KIF1A: variants seen among roughly 807,000 people sequenced by gnomAD.
KIF1A encodes kinesin family member 1A, also known as kinesin-like protein KIF1A.
In KIF1A, 46 loss-of-function variants were observed where a neutral mutation model predicts 227.3. The observed-to-expected ratio is 0.20, with a 90% CI of 0.16 to 0.26. KIF1A has a LOEUF of 0.26. Ranked by LOEUF, KIF1A falls within the 10% of genes least tolerant of loss-of-function variation. The probability of loss-of-function intolerance (pLI) is 1.00; values close to 1 mark genes in which losing one functional copy is unlikely to be tolerated. For synonymous variants in KIF1A, 1,022 were observed against 1,012.8 expected (o/e 1.01, Z -0.17); for missense variants, 1,683 against 2,485.9 (o/e 0.68, Z 6.87).
intron 1 of KIF1A, among the ~76,000 whole-genome samples, chr2:240,806,285 G>A (rs989354552): frequency 3.3e-5 from 5 of 152,234 alleles, no homozygotes; most frequent in Non-Finnish European, 7.3e-5. Flanking sequence ...CAGAAGTCCA[G>A]AAATTTGCAC....
chr2:240,760,925 C>A, intron 24 of KIF1A, 82 bp from the exon 25 acceptor site: 1 of 1,347,120 alleles, frequency 7.4e-7, no homozygotes, highest in South Asian at 1.4e-5. Flanking sequence ...TTCCCACCTT[C>A]TGGAGATTTC....
At chr2:240,749,843 G>A (rs1205097519) in intron 28 of KIF1A, among the ~76,000 whole-genome samples, 2 of 152,250 alleles carry the variant, frequency 1.3e-5, no homozygotes, top group African/African-American at 4.8e-5. Flanking sequence ...CAGGCCCAGT[G>A]TGGAGGGGGA....
rs775227471 is a variant in KIF1A at position 240,788,946 on chromosome 2, T to C, written c.183+290A>G. Among the ~76,000 whole-genome samples the C allele has an allele frequency of 1.2e-4, 18 of 152,154 alleles. No individual in the cohort carries two copies. The highest frequency in any genetic ancestry group is 4.1e-4 in the South Asian group (2 of 4,824). ...GCTTCCAGACAGGCTCAGGGTCAGC[T>C]TTGGGCATTCTGACTTTGGGATGTC... On this transcript the variant is annotated intron_variant, in intron 3 of 48. Coordinates refer to ENST00000498729, the MANE Select transcript of KIF1A (RefSeq NM_001244008.2). This position sits in a 1 kb window ranked among gnomAD's most constrained non-coding sequence, Gnocchi z 6.6.
chr2:240,791,155 G>A (rs956450030), intron 2 of KIF1A, among the ~76,000 whole-genome samples: 3 of 152,110 alleles, frequency 2.0e-5, no homozygotes, highest in East Asian at 1.9e-4. Context: ...GGCCACGTCC[G>A]TGCTATGGCC....
intron 1 of KIF1A, among the ~76,000 whole-genome samples, chr2:240,810,029 G>A (rs1280598528): frequency 6.6e-6 from 1 of 152,060 alleles, no homozygotes; most frequent in Non-Finnish European, 1.5e-5. Flanking sequence ...GGCCAGGTTA[G>A]TCTCAAGCTC....
rs1433443782 is a variant in KIF1A at position 240,760,692 on chromosome 2, G to T, written c.2417C>A (p.Thr806Asn). Reference sequence around the variant, plus strand: ...GAGCTTCTCCAGCGTCCAGTAGTGGGTGGCCCCGTTCTTCTGGTCCTGGAC... The same window carrying T: ...GAGCTTCTCCAGCGTCCAGTAGTGGTTGGCCCCGTTCTTCTGGTCCTGGAC... ...VEVQDQKNGATHYWTLEKLRQ... is the reference protein window; with the variant it reads ...VEVQDQKNGANHYWTLEKLRQ... Residue 806 changes from threonine to asparagine, a missense_variant, in exon 25 of 49, where the codon ACC (threonine) becomes AAC (asparagine). Coordinates refer to ENST00000498729, the MANE Select transcript of KIF1A (RefSeq NM_001244008.2). 7 of 1,569,206 alleles carry T rather than the reference G, an allele frequency of 4.5e-6. No homozygotes were observed. The Admixed American group carries it at 1.3e-4, about 28-fold the overall frequency.
At chr2:240,755,505 G>A (rs1308318816) in intron 27 of KIF1A, among the ~76,000 whole-genome samples, 1 of 152,166 alleles carries the variant, frequency 6.6e-6, no homozygotes, top group Non-Finnish European at 1.5e-5. Flanking sequence ...AAGGTTAAAG[G>A]AAAATCAACG....
intron 33 of KIF1A, 48 bp downstream of exon 33, chr2:240,743,894 G>T: frequency 8.0e-7 from 1 of 1,245,000 alleles, no homozygotes; most frequent in Non-Finnish European, 1.2e-6. Flanking sequence ...GATCTGGGCA[G>T]GGGCTTTGAG....
Position 240,758,255 on chromosome 2 carries a change from C to T in KIF1A, c.2582+105G>A. ...CTGGGAATATGGGGCTGGAAAAGCA[C>T]TTGTCAGGGCCGCTCCTTGTATCAG... On this transcript the variant is annotated intron_variant, in intron 26 of 48. Transcript: ENST00000498729. This position sits in a 1 kb window ranked among gnomAD's most constrained non-coding sequence, Gnocchi z 5.2. 7 of 1,326,976 alleles carry T rather than the reference C, an allele frequency of 5.3e-6. No homozygotes were observed. Among genetic ancestry groups the T allele is most frequent in the Non-Finnish European group, 7.1e-6 (7 of 990,466 alleles). The allele number at this position is 1,326,976 out of a possible 1,614,324, so 82.2% of individuals were successfully genotyped here. A position where few individuals can be genotyped will look rare whatever the true frequency, so the allele number is the denominator to read the frequency against.
chr2:240,772,468 A>T, intron 14 of KIF1A, 102 bp downstream of exon 14: 1 of 951,554 alleles, frequency 1.1e-6, no homozygotes, highest in Non-Finnish European at 1.6e-6. Flanking sequence ...AAAGCAGAGC[A>T]GGTACCCTGG....
intron 33 of KIF1A, 118 bp downstream of exon 33, chr2:240,743,824 A>G: frequency 1.5e-6 from 1 of 668,980 alleles, no homozygotes; most frequent in African/African-American, 1.8e-5. Context: ...CTGGATGGGC[A>G]GGGGAGGTGG....
chr2:240,789,334 G>A lies in KIF1A; in HGVS notation c.107-22C>T, dbSNP rs993247311. 1.9e-6 allele frequency: 3 copies of A among 1,599,212 alleles called. No individual in the cohort carries two copies. Among genetic ancestry groups the A allele is most frequent in the Non-Finnish European group, 2.6e-6 (3 of 1,166,538 alleles). On this transcript the variant is annotated intron_variant, in intron 2 of 48. Coordinates refer to ENST00000498729, the MANE Select transcript of KIF1A (RefSeq NM_001244008.2). The surrounding 1 kb of genome is among the most constrained non-coding windows in gnomAD (Gnocchi z 4.8). The stretch of plus-strand genomic sequence containing the variant: ...ATGGCTGTGGGAGGGAACACAGGTG[G>A]TTAGCGCTGTGCTGGGAGGGCCCCT...
At position 240,775,747 on chromosome 2, in the gene KIF1A, G is replaced by A. The variant is rs1382491336; in HGVS notation, c.958+104C>T. On this transcript the variant is annotated intron_variant, in intron 11 of 48. Transcript: ENST00000498729. This position sits in a 1 kb window ranked among gnomAD's most constrained non-coding sequence, Gnocchi z 5.5. ...CACCTCCCAGCCTCAGCCCAGAAAG[G>A]GTGAGAGGCCTGCTGGCGACTGGGC... 1 of 782,192 alleles carries A rather than the reference G, an allele frequency of 1.3e-6. No individual in the cohort carries two copies. Among genetic ancestry groups the A allele is most frequent in the South Asian group, 1.5e-5 (1 of 66,496 alleles). The allele number at this position is 782,192 out of a possible 1,614,324, so 48.5% of individuals were successfully genotyped here. A position where few individuals can be genotyped will look rare whatever the true frequency, so the allele number is the denominator to read the frequency against.
At chr2:240,741,717 C>T (rs986337642) in intron 34 of KIF1A, among the ~76,000 whole-genome samples, 2 of 152,252 alleles carry the variant, frequency 1.3e-5, no homozygotes, top group African/African-American at 4.8e-5. Flanking sequence ...TCAAAAGCCC[C>T]ACAACCCTCA....
chr2:240,810,078 C>G (rs1044047615), intron 1 of KIF1A, among the ~76,000 whole-genome samples: 2 of 152,002 alleles, frequency 1.3e-5, no homozygotes, highest in Non-Finnish European at 2.9e-5. Flanking sequence ...CCTCCCAAAG[C>G]GCTGGAATTA....
chr2:240,819,665 C>T (rs1371784473), intron 1 of KIF1A, among the ~76,000 whole-genome samples: 1 of 152,014 alleles, frequency 6.6e-6, no homozygotes, highest in Admixed American at 6.5e-5. Flanking sequence ...GCGTCAGCGT[C>T]CTCAGCCCCG....
At position 240,767,353 on chromosome 2, in the gene KIF1A, G is replaced by C. The variant is rs1171261221; in HGVS notation, c.1498-8C>G. ...GTTGACGAGGTGTGGTGTCTGCAGG[G>C]AGACAGGAGGATCATCTCTCTTGCA... On this transcript the variant is annotated splice_region_variant and splice_polypyrimidine_tract_variant and intron_variant, in intron 17 of 48. Transcript: ENST00000498729. 2 of 1,609,524 alleles carry C rather than the reference G, an allele frequency of 1.2e-6. No individual in the cohort carries two copies. The highest frequency in any genetic ancestry group is 2.2e-5 in the East Asian group (1 of 44,854).
rs549062256 is a variant in KIF1A at position 240,814,563 on chromosome 2, C to T, written c.-61+5559G>A. On this transcript the variant is annotated intron_variant, in intron 1 of 48. Transcript: ENST00000498729. ...GGGTCCAAGAAACAGAAACTCCAAT[C>T]CAGGGGACATGGCAAGCAGCTGCCA... Among the ~76,000 whole-genome samples the T allele has an allele frequency of 3.9e-5, 6 of 152,274 alleles. No homozygotes were observed. The East Asian group carries it at 1.2e-3, about 29-fold the overall frequency.
Position 240,786,384 on chromosome 2 carries a change from T to G in KIF1A, c.559A>C (p.Thr187Pro), listed in dbSNP as rs1345724988. Reference protein sequence around the residue: ...YVEDLSKLAVTSYNDIQDLMD... With the variant: ...YVEDLSKLAVPSYNDIQDLMD... Reference sequence around the variant, plus strand: ...AGGTCCTGGATGTCATTGTAGGAGGTGACAGCCAGCTTGGAGAGGTCCTCC... The same window carrying G: ...AGGTCCTGGATGTCATTGTAGGAGGGGACAGCCAGCTTGGAGAGGTCCTCC... Residue 187 changes from threonine (T) to proline (P), a missense_variant, in exon 6 of 49, where the codon ACC (threonine) becomes CCC (proline). Physicochemically the swap from Thr to Pro is conservative, Grantham distance 38. Around this residue, in one of 12 missense-constraint regions of KIF1A, gnomAD observed 75 missense variants for 131.2 expected, o/e 0.57. Coordinates refer to ENST00000498729, the MANE Select transcript of KIF1A (RefSeq NM_001244008.2). 1 of 1,613,440 alleles carries G rather than the reference T, an allele frequency of 6.2e-7. No individual in the cohort carries two copies. The highest frequency in any genetic ancestry group is 8.5e-7 in the Non-Finnish European group (1 of 1,179,768).
Sources: allele counts gnomAD v4.1 joint callset (sites outside exome capture counted in the v4.1 genomes callset), GRCh38; gene constraint gnomAD v4.1.1; regional missense constraint gnomAD v4.1.1; non-coding constraint Gnocchi (gnomAD v3.1); transcripts MANE v1.5; gene names NCBI Gene and HGNC (gene_info 2026-07-23, HGNC 2026-07-21).